GTF2F2: variants seen among roughly 807,000 people sequenced by gnomAD.
GTF2F2 encodes the protein general transcription factor IIF subunit 2.
A neutral mutation model predicts 42.2 loss-of-function variants in GTF2F2; 23 were observed. The ratio of observed to expected loss-of-function variants is 0.55; its 90% CI spans 0.39 to 0.77. The LOEUF (loss-of-function observed/expected upper bound fraction) is 0.77, where lower values mean the gene tolerates loss of function less well. GTF2F2 is among the 30% of genes least tolerant of loss of function. The probability of loss-of-function intolerance (pLI) is 0.00; values close to 1 mark genes in which losing one functional copy is unlikely to be tolerated. For missense variants in GTF2F2, 261 were observed against 287.2 expected (o/e 0.91, Z 0.66); for synonymous variants, 105 against 100.8 (o/e 1.04, Z -0.25).
At chr13:45,230,817 A>C (rs1874638170) in intron 5 of GTF2F2, among the ~76,000 whole-genome samples, 1 of 152,222 alleles carries the variant, frequency 6.6e-6, no homozygotes, top group South Asian at 2.1e-4. Flanking sequence ...ATCTTTTGTT[A>C]ATTCCTACAC....
chr13:45,208,943 A>G (rs1003472895), intron 5 of GTF2F2, among the ~76,000 whole-genome samples: 1 of 152,216 alleles, frequency 6.6e-6, no homozygotes, highest in East Asian at 1.9e-4. Flanking sequence ...TTGAAAATTT[A>G]TCTCTTCATA....
intron 5 of GTF2F2, among the ~76,000 whole-genome samples, chr13:45,225,550 C>G (rs1874303125): frequency 7.0e-6 from 1 of 143,626 alleles, no homozygotes; most frequent in Admixed American, 7.4e-5. Context: ...ATGGAGATTG[C>G]AATGAGCCCA....
intron 5 of GTF2F2, among the ~76,000 whole-genome samples, chr13:45,212,854 A>G (rs991019173): frequency 6.6e-6 from 1 of 150,628 alleles, no homozygotes; most frequent in Non-Finnish European, 1.5e-5. Context: ...CGATTCTCCC[A>G]CCTCAGCCTC....
intron 5 of GTF2F2, among the ~76,000 whole-genome samples, chr13:45,227,828 G>A (rs1874435464): frequency 6.6e-6 from 1 of 152,144 alleles, no homozygotes; most frequent in Admixed American, 6.6e-5. Flanking sequence ...AGAGAGATGA[G>A]TAAAGTGCAT....
chr13:45,188,615 A>T (rs1872516325), intron 4 of GTF2F2, among the ~76,000 whole-genome samples: 1 of 152,204 alleles, frequency 6.6e-6, no homozygotes, highest in Non-Finnish European at 1.5e-5. Context: ...AGCCCTGTCA[A>T]ATAGTTACTA....
chr13:45,152,485 T>G (rs565081085), intron 4 of GTF2F2, among the ~76,000 whole-genome samples: 1 of 152,214 alleles, frequency 6.6e-6, no homozygotes, highest in Non-Finnish European at 1.5e-5. Context: ...CTTGCTTGTT[T>G]TAGTAAATTG....
intron 4 of GTF2F2, among the ~76,000 whole-genome samples, chr13:45,183,514 C>G (rs143174511): frequency 6.6e-6 from 1 of 152,248 alleles, no homozygotes; most frequent in African/African-American, 2.4e-5. Context: ...AGGAGCATAT[C>G]CAGAAGTCAC....
chr13:45,208,301 A>G lies in GTF2F2; in HGVS notation c.386+796A>G, dbSNP rs989264294. Among the ~76,000 whole-genome samples the G allele has an allele frequency of 2.6e-5, 4 of 152,170 alleles. No homozygotes were observed. The East Asian group carries it at 7.7e-4, about 29-fold the overall frequency. Reference sequence around the variant, plus strand: ...GTTAACATTTTGTAATTAGTATTTAAAAATGCTGATTGTAAATTCTTGATA... The same window carrying G: ...GTTAACATTTTGTAATTAGTATTTAGAAATGCTGATTGTAAATTCTTGATA... On this transcript the variant is annotated intron_variant, in intron 5 of 7. Transcript: ENST00000340473.
chr13:45,193,395 A>G (rs773419508), intron 4 of GTF2F2: 37 of 159,300 alleles, frequency 2.3e-4, no homozygotes, highest in Middle Eastern at 3.3e-3. Context: ...AGGATTTTAA[A>G]TATTAATAGC....
intron 7 of GTF2F2, among the ~76,000 whole-genome samples, chr13:45,280,075 G>A (rs1336351730): frequency 6.6e-6 from 1 of 152,192 alleles, no homozygotes; most frequent in Non-Finnish European, 1.5e-5. Context: ...AGTAACATTT[G>A]AGCCTAGTCT....
At position 45,228,669 on chromosome 13, in the gene GTF2F2, CT is replaced by C. The variant is rs57570023; in HGVS notation, c.386+21182del. The stretch of plus-strand genomic sequence containing the variant: ...TCTCCTTATTGCTGCCAGAGTTAAT[CT>C]TTTTTTTTTTTTTTTTTGAGACGGA... On this transcript the variant is annotated intron_variant, in intron 5 of 7. Transcript: ENST00000340473. Among the ~76,000 whole-genome samples, 452 of 108,234 alleles carry C rather than the reference CT, an allele frequency of 4.2e-3. 3 individuals are homozygous for C. The highest frequency in any genetic ancestry group is 0.024 in the South Asian group (87 of 3,640). The allele number at this position is 108,234 out of a possible 152,430, so 71.0% of individuals were successfully genotyped here.
At chr13:45,211,355 G>A (rs1434650548) in intron 5 of GTF2F2, among the ~76,000 whole-genome samples, 1 of 148,790 alleles carries the variant, frequency 6.7e-6, no homozygotes, top group Non-Finnish European at 1.5e-5. Flanking sequence ...TCACTAAGGT[G>A]AGGCTCAAAA....
At chr13:45,274,565 G>A (rs1474666573) in intron 7 of GTF2F2, among the ~76,000 whole-genome samples, 19 of 151,900 alleles carry the variant, frequency 1.3e-4, no homozygotes, top group African/African-American at 2.7e-4. Context: ...TCCTGACCTC[G>A]TGATCCGCCC....
intron 1 of GTF2F2, among the ~76,000 whole-genome samples, chr13:45,123,729 TAAC>T (rs1243770589): frequency 1.3e-5 from 2 of 150,776 alleles, no homozygotes; most frequent in Non-Finnish European, 2.9e-5. Flanking sequence ...TTTACCAAAA[TAAC>T]AAAATATCCA....
At chr13:45,174,555 T>A (rs1190994912) in intron 4 of GTF2F2, among the ~76,000 whole-genome samples, 1 of 152,022 alleles carries the variant, frequency 6.6e-6, no homozygotes, top group Non-Finnish European at 1.5e-5. Flanking sequence ...CTTTGCCTGT[T>A]TTTTAGTGTT....
At chr13:45,253,814 G>A (rs763549376) in intron 6 of GTF2F2, among the ~76,000 whole-genome samples, 41 of 152,178 alleles carry the variant, frequency 2.7e-4, no homozygotes, top group Admixed American at 1.1e-3. Context: ...GGTGGCTCAC[G>A]CCTGTAATCC....
intron 5 of GTF2F2, among the ~76,000 whole-genome samples, chr13:45,215,920 A>G (rs1353833861): frequency 6.6e-6 from 1 of 152,180 alleles, no homozygotes; most frequent in East Asian, 1.9e-4. Context: ...TGATGAAACA[A>G]GGACTTCCAA....
chr13:45,218,356 C>G (rs1873974209), intron 5 of GTF2F2, among the ~76,000 whole-genome samples: 1 of 152,236 alleles, frequency 6.6e-6, no homozygotes, highest in South Asian at 2.1e-4. Flanking sequence ...GCTCCTTCCT[C>G]AAGTGTTTTT....
chr13:45,136,987 A>C (rs931768340), intron 2 of GTF2F2, among the ~76,000 whole-genome samples, 181 bp downstream of exon 2: 1 of 152,324 alleles, frequency 6.6e-6, no homozygotes, highest in African/African-American at 2.4e-5. Flanking sequence ...GCACATACAC[A>C]CATATCCCCA....
Sources: allele counts gnomAD v4.1 joint callset (sites outside exome capture counted in the v4.1 genomes callset), GRCh38; gene constraint gnomAD v4.1.1; transcripts MANE v1.5; gene names NCBI Gene and HGNC (gene_info 2026-07-23, HGNC 2026-07-21).